The following RBFOX1 variants were observed in gnomAD, a reference collection of about 807,000 sequenced individuals.
The protein encoded by RBFOX1 is RNA binding protein fox-1 homolog 1.
In RBFOX1, 8 loss-of-function variants were observed where a neutral mutation model predicts 57.7. That is an observed-to-expected ratio of 0.14 (90% CI 0.08 to 0.25). RBFOX1 has a LOEUF of 0.25. Among genes scored for constraint, RBFOX1 ranks in the 10% least tolerant of loss-of-function variants. RBFOX1 has a pLI of 1.00. For missense variants in RBFOX1, 611 were observed against 548.5 expected, an observed-to-expected ratio of 1.11 and a Z score of -1.14; for synonymous variants, 326 against 222.4, an observed-to-expected ratio of 1.47 and a Z score of -4.15.
intron 4 of RBFOX1, among the ~76,000 whole-genome samples, chr16:5,990,468 C>G (rs1340313037): frequency 2.6e-5 from 4 of 152,226 alleles, no homozygotes; most frequent in South Asian, 4.1e-4. Flanking sequence ...TACTTAATAC[C>G]TAGATTCTGG....
At chr16:7,126,136 C>G (rs935443004) in intron 4 of RBFOX1, among the ~76,000 whole-genome samples, 2 of 152,124 alleles carry the variant, frequency 1.3e-5, no homozygotes, top group African/African-American at 2.4e-5. Flanking sequence ...GCTTTCTTCC[C>G]CATGAAAATA....
At chr16:6,415,257 A>T (rs1236407505) in intron 2 of RBFOX1, among the ~76,000 whole-genome samples, 2 of 151,420 alleles carry the variant, frequency 1.3e-5, no homozygotes, top group East Asian at 1.9e-4. Context: ...AAAAAAAAAA[A>T]AAAAAAAAAT....
intron 2 of RBFOX1, among the ~76,000 whole-genome samples, chr16:6,408,463 G>C (rs148954395): frequency 3.3e-5 from 5 of 152,138 alleles, no homozygotes; most frequent in African/African-American, 2.4e-5. Context: ...TCTTTATGCA[G>C]CTGGTGCTCA....
chr16:7,291,097 G>C (rs891262538), intron 4 of RBFOX1, among the ~76,000 whole-genome samples: 3 of 152,120 alleles, frequency 2.0e-5, no homozygotes, highest in Non-Finnish European at 2.9e-5. Flanking sequence ...ACATGCACTG[G>C]GCATAAGTGA....
At chr16:6,104,609 C>G (rs925515932) in intron 1 of RBFOX1, among the ~76,000 whole-genome samples, 1 of 152,152 alleles carries the variant, frequency 6.6e-6, no homozygotes, top group East Asian at 1.9e-4. Context: ...ACTAATCTAT[C>G]GTGTTCCTAG....
At chr16:6,892,770 GTCTCCCTCTCTCTCTC>G (rs1310714970) in intron 3 of RBFOX1, among the ~76,000 whole-genome samples, 2,077 of 91,782 alleles carry the variant, frequency 0.023, 55 homozygotes, top group South Asian at 0.033. Context: ...AAGCCTCCCT[GTCTCCCTCTCTCTCTC>G]TCTCTCTCTC....
chr16:7,218,976 A>G (rs1603307290), intron 4 of RBFOX1, among the ~76,000 whole-genome samples: 1 of 152,248 alleles, frequency 6.6e-6, no homozygotes, highest in East Asian at 1.9e-4. Context: ...GCTGGTTCCA[A>G]AAAACTGCCT....
intron 1 of RBFOX1, among the ~76,000 whole-genome samples, chr16:5,386,247 TGA>T (rs2066251797): frequency 6.6e-6 from 1 of 151,934 alleles, no homozygotes; most frequent in South Asian, 2.1e-4. Flanking sequence ...GAACTGGGCT[TGA>T]GAAGGCTGGG....
chr16:5,611,183 T>A (rs2047773334), intron 3 of RBFOX1: 2 of 152,362 alleles, frequency 1.3e-5, no homozygotes, highest in Non-Finnish European at 2.9e-5. Context: ...TCCCCTGAAA[T>A]CTTGGGTTCA....
rs147772177 is a variant in RBFOX1 at position 6,766,187 on chromosome 16, A to G, written c.-16+111537A>G. 3.7e-3 allele frequency among the ~76,000 whole-genome samples: 565 copies of G among 152,296 alleles called. 8 individuals are homozygous for G. The highest frequency in any genetic ancestry group is 0.013 in the African/African-American group (551 of 41,580). The stretch of plus-strand genomic sequence containing the variant: ...CAAAATTTTAGATATGGAGAAAAAA[A>G]AAGACATGAATAAGAGCCCTTCAGT... On this transcript the variant is annotated intron_variant, in intron 3 of 15. Coordinates refer to ENST00000550418, the MANE Select transcript of RBFOX1 (RefSeq NM_018723.4).
chr16:5,939,700 T>A (rs1012314410), intron 4 of RBFOX1, among the ~76,000 whole-genome samples: 127 of 151,716 alleles, frequency 8.4e-4, no homozygotes, highest in South Asian at 1.5e-3. Flanking sequence ...GCTCCATTTT[T>A]TAAAAAAAAA....
At chr16:5,249,176 C>G (rs1327266842) in intron 1 of RBFOX1, among the ~76,000 whole-genome samples, 1 of 152,060 alleles carries the variant, frequency 6.6e-6, no homozygotes. Context: ...GTGTGTTTTC[C>G]TTTTCCTTGT....
chr16:6,987,592 C>T (rs1212408423), intron 3 of RBFOX1, among the ~76,000 whole-genome samples: 2 of 152,002 alleles, frequency 1.3e-5, no homozygotes, highest in African/African-American at 4.8e-5. Context: ...CACAAACTTA[C>T]CTGCAATCTC....
intron 3 of RBFOX1, among the ~76,000 whole-genome samples, chr16:6,803,608 C>T (rs981019458): frequency 1.3e-5 from 2 of 152,144 alleles, no homozygotes; most frequent in African/African-American, 4.8e-5. Flanking sequence ...GAGAAGGAAA[C>T]AGGATTCCTA....
chr16:7,034,467 C>G (rs961322236), intron 3 of RBFOX1, among the ~76,000 whole-genome samples: 1 of 152,082 alleles, frequency 6.6e-6, no homozygotes, highest in Admixed American at 6.5e-5. Flanking sequence ...CCTTGCTGGG[C>G]TCCAGCTGGC....
chr16:7,223,283 C>G (rs755110292), intron 4 of RBFOX1, among the ~76,000 whole-genome samples: 2 of 152,170 alleles, frequency 1.3e-5, no homozygotes, highest in Non-Finnish European at 2.9e-5. Context: ...AGGTGAAACC[C>G]TGGGTGTCTC....
chr16:7,271,957 TA>T (rs1372936192), intron 4 of RBFOX1, among the ~76,000 whole-genome samples: 1 of 152,166 alleles, frequency 6.6e-6, no homozygotes, highest in Non-Finnish European at 1.5e-5. Flanking sequence ...TTTTCTGTGG[TA>T]TCACCACCTA....
chr16:6,244,036 G>A (rs1007862448), intron 1 of RBFOX1, among the ~76,000 whole-genome samples: 6 of 152,116 alleles, frequency 3.9e-5, no homozygotes, highest in Non-Finnish European at 8.8e-5. Context: ...AGCCGTGAGT[G>A]ATGCAGTCTT....
chr16:6,298,120 A>G lies in RBFOX1; in HGVS notation c.-126-18875A>G, dbSNP rs142574861. Among the ~76,000 whole-genome samples the G allele has an allele frequency of 6.2e-3, 951 of 152,264 alleles. 9 individuals are homozygous for G. The highest frequency in any genetic ancestry group is 0.037 in the Middle Eastern group (11 of 294). ...GGCAAGGCTAAAAGAGCACACTGTAACACACGCCCAGTTGGGCTCCTGCAG... is the reference window on the plus strand; with the variant it reads ...GGCAAGGCTAAAAGAGCACACTGTAGCACACGCCCAGTTGGGCTCCTGCAG... On this transcript the variant is annotated intron_variant, in intron 1 of 15. Transcript: ENST00000550418.
Sources: allele counts gnomAD v4.1 joint callset (sites outside exome capture counted in the v4.1 genomes callset), GRCh38; gene constraint gnomAD v4.1.1; transcripts MANE v1.5; gene names NCBI Gene and HGNC (gene_info 2026-07-23, HGNC 2026-07-21).